The following IL1RAPL2 variants were observed in gnomAD, a reference collection of about 807,000 sequenced individuals.
IL1RAPL2 encodes the protein X-linked interleukin-1 receptor accessory protein-like 2.
In IL1RAPL2, 3 loss-of-function variants were observed where a neutral mutation model predicts 44.1. The ratio of observed to expected loss-of-function variants is 0.07; its 90% confidence interval spans 0.03 to 0.18. The LOEUF (loss-of-function observed/expected upper bound fraction) is 0.18, where lower values mean the gene tolerates loss of function less well. IL1RAPL2 is among the 10% of genes least tolerant of loss of function. The pLI is 1.00. For synonymous variants in IL1RAPL2, 181 were observed against 178.8 expected (o/e 1.01, Z -0.10); for missense variants, 391 against 496.4 (o/e 0.79, Z 2.02).
At chrX:105,364,781 T>G (rs1003200809) in intron 5 of IL1RAPL2, among the ~76,000 whole-genome samples, 3 of 112,046 alleles carry the variant, frequency 2.7e-5, no homozygotes, top group African/African-American at 9.7e-5. Context: ...ATTTCTTTAT[T>G]GATTCTAATA....
intron 5 of IL1RAPL2, among the ~76,000 whole-genome samples, chrX:105,297,171 A>G (rs1341069647): frequency 1.8e-5 from 2 of 112,062 alleles, no homozygotes; most frequent in Non-Finnish European, 3.8e-5. Flanking sequence ...GGGAGCTGCT[A>G]TGCAAAAGCC....
chrX:104,612,988 T>C (rs937796404), intron 1 of IL1RAPL2, among the ~76,000 whole-genome samples: 6 of 111,839 alleles, frequency 5.4e-5, no homozygotes, highest in African/African-American at 1.9e-4. Context: ...GATATTTGTG[T>C]ATAGAAATGC....
intron 2 of IL1RAPL2, among the ~76,000 whole-genome samples, chrX:104,764,764 A>C (rs914441644): frequency 8.9e-6 from 1 of 112,100 alleles, no homozygotes; most frequent in Non-Finnish European, 1.9e-5. Context: ...TTTATCATGA[A>C]GCAATGTTTA....
At chrX:104,972,454 T>C (rs1430717734) in intron 2 of IL1RAPL2, among the ~76,000 whole-genome samples, 1 of 111,579 alleles carries the variant, frequency 9.0e-6, no homozygotes, top group Non-Finnish European at 1.9e-5. Context: ...ACCTAACAAG[T>C]AGGGAGTTTT....
At chrX:105,252,902 G>T (rs964555199) in intron 4 of IL1RAPL2, among the ~76,000 whole-genome samples, 2 of 108,285 alleles carry the variant, frequency 1.8e-5, no homozygotes, top group Non-Finnish European at 3.8e-5. Flanking sequence ...CTTTACATTT[G>T]AATCCAGCCA....
At chrX:104,908,607 T>G (rs1226687434) in intron 2 of IL1RAPL2, among the ~76,000 whole-genome samples, 1 of 111,704 alleles carries the variant, frequency 9.0e-6, no homozygotes, top group African/African-American at 3.3e-5. Context: ...AAAATTCTTT[T>G]CTTTAAGAAT....
intron 2 of IL1RAPL2, among the ~76,000 whole-genome samples, chrX:104,827,259 G>A (rs1442114989): frequency 9.0e-6 from 1 of 110,595 alleles, no homozygotes; most frequent in Non-Finnish European, 1.9e-5. Context: ...GCAGTGGCTG[G>A]TAGTGATTTT....
At chrX:104,783,599 A>G (rs1461159504) in intron 2 of IL1RAPL2, among the ~76,000 whole-genome samples, 1 of 109,906 alleles carries the variant, frequency 9.1e-6, no homozygotes, top group Non-Finnish European at 1.9e-5. Context: ...GGCTGTTTGT[A>G]TGAGGTATTT....
chrX:104,774,138 C>T (rs1162786027), intron 2 of IL1RAPL2, among the ~76,000 whole-genome samples: 3 of 111,689 alleles, frequency 2.7e-5, no homozygotes, highest in South Asian at 3.8e-4. Context: ...GTGCCAGACA[C>T]GACATTCAGA....
intron 6 of IL1RAPL2, among the ~76,000 whole-genome samples, chrX:105,517,627 C>T (rs2036524288): frequency 9.0e-6 from 1 of 110,777 alleles, no homozygotes; most frequent in Non-Finnish European, 1.9e-5. Flanking sequence ...ACTAAAAAGC[C>T]AGGACATTTC....
intron 2 of IL1RAPL2, among the ~76,000 whole-genome samples, chrX:104,888,883 C>A (rs1023530805): frequency 2.7e-5 from 3 of 111,800 alleles, no homozygotes; most frequent in African/African-American, 6.5e-5. Flanking sequence ...TACATTCTTA[C>A]ATTTCCCACC....
rs765900562 is a variant in IL1RAPL2 at position 105,070,711 on chromosome X, A to AT, written c.83-124764_83-124763insT. 4.6e-3 allele frequency among the ~76,000 whole-genome samples: 492 copies of AT among 106,242 alleles called. 6 individuals carry two copies. Among genetic ancestry groups the AT allele is most frequent in the African/African-American group, 0.017 (475 of 27,541 alleles). The allele number at this position is 106,242 out of a possible 115,157, so 92.3% of individuals were successfully genotyped here. On this transcript the variant is annotated intron_variant, in intron 2 of 10. Transcript: ENST00000372582. ...TCTGTCTCAAAAAATAAAAATAAAA[A>AT]AATATATATATATATTTATGTGTGT...
intron 6 of IL1RAPL2, among the ~76,000 whole-genome samples, chrX:105,658,892 G>A (rs2037696157): frequency 9.4e-6 from 1 of 106,372 alleles, no homozygotes; most frequent in South Asian, 4.5e-4. Flanking sequence ...AACTTGGCAG[G>A]CGGAGGTTGC....
chrX:104,831,513 T>C (rs1362246058), intron 2 of IL1RAPL2, among the ~76,000 whole-genome samples: 1 of 111,802 alleles, frequency 8.9e-6, no homozygotes, highest in Non-Finnish European at 1.9e-5. Flanking sequence ...AGCTAACATG[T>C]AGCAGGGCAG....
intron 2 of IL1RAPL2, among the ~76,000 whole-genome samples, chrX:104,951,312 G>T (rs1382934114): frequency 8.9e-6 from 1 of 112,161 alleles, no homozygotes; most frequent in Non-Finnish European, 1.9e-5. Context: ...AAATTGATAT[G>T]ACATGTGATA....
chrX:105,280,680 A>C (rs1202469346), intron 5 of IL1RAPL2, among the ~76,000 whole-genome samples: 1 of 112,460 alleles, frequency 8.9e-6, no homozygotes, highest in Admixed American at 9.4e-5. Flanking sequence ...AGAAATGTTC[A>C]TCGTCACTGG....
intron 6 of IL1RAPL2, among the ~76,000 whole-genome samples, chrX:105,647,223 T>C (rs1479395648): frequency 8.9e-6 from 1 of 111,963 alleles, no homozygotes; most frequent in East Asian, 2.8e-4. Context: ...AAGCCAGCGA[T>C]GGGTCTGTGA....
chrX:105,512,375 T>C (rs1320328621), intron 6 of IL1RAPL2, among the ~76,000 whole-genome samples: 6 of 111,328 alleles, frequency 5.4e-5, no homozygotes, highest in African/African-American at 2.0e-4. Context: ...TTTCTATATC[T>C]TTTGGAAACA....
chrX:105,026,572 C>T (rs73518219), intron 2 of IL1RAPL2, among the ~76,000 whole-genome samples: 7,568 of 109,665 alleles, frequency 0.069, 682 homozygotes, highest in African/African-American at 0.24. Context: ...ATCTGTAAAA[C>T]AAAAAAGTAA....
Sources: gnomAD v4.1 joint callset for allele counts (sites outside exome capture counted in the v4.1 genomes callset) on GRCh38, gnomAD v4.1.1 for gene constraint, MANE v1.5 for transcripts, NCBI Gene and HGNC (gene_info 2026-07-23, HGNC 2026-07-21) for gene names.